The following GNAQ variants were observed in gnomAD, a reference collection of about 807,000 sequenced individuals.
GNAQ encodes the protein guanine nucleotide-binding protein G(q) subunit alpha.
GNAQ carries 8 observed loss-of-function variants against 43.9 expected under a neutral mutation model. That is an observed-to-expected ratio of 0.18 (90% confidence interval 0.11 to 0.33). The LOEUF (loss-of-function observed/expected upper bound fraction) is 0.33. Ranked by LOEUF, GNAQ falls within the 10% of genes least tolerant of loss-of-function variation. The probability of loss-of-function intolerance (pLI) is 1.00; values close to 1 mark genes in which losing one functional copy is unlikely to be tolerated. For missense variants in GNAQ, 158 were observed against 450.8 expected (o/e 0.35, Z 5.88); for synonymous variants, 155 against 170.7 (o/e 0.91, Z 0.71).
At chr9:77,966,330 C>T (rs949972373) in intron 1 of GNAQ, among the ~76,000 whole-genome samples, 1 of 151,994 alleles carries the variant, frequency 6.6e-6, no homozygotes. Flanking sequence ...TCAATTACAT[C>T]GCAAAAAAAC....
chr9:77,899,842 G>A (rs980520723), intron 2 of GNAQ, among the ~76,000 whole-genome samples: 3 of 152,154 alleles, frequency 2.0e-5, no homozygotes, highest in East Asian at 1.9e-4. Flanking sequence ...TCAAATGCAC[G>A]GAACTGTGCT....
chr9:77,855,874 A>G (rs921317258), intron 2 of GNAQ, among the ~76,000 whole-genome samples: 1 of 152,174 alleles, frequency 6.6e-6, no homozygotes, highest in African/African-American at 2.4e-5. Flanking sequence ...TTCATTGAAA[A>G]TATTTTAATT....
At chr9:78,002,433 T>A (rs553396256) in intron 1 of GNAQ, among the ~76,000 whole-genome samples, 262 of 152,310 alleles carry the variant, frequency 1.7e-3, no homozygotes, top group African/African-American at 6.1e-3. Context: ...TCTCATCTGG[T>A]TGCTAGTTTT....
Position 77,725,664 on chromosome 9 carries a change from G to C in GNAQ, c.889+2850C>G, listed in dbSNP as rs181096338. Among the ~76,000 whole-genome samples, 189 of 151,914 alleles carry C rather than the reference G, an allele frequency of 1.2e-3. 2 individuals are homozygous for C. The highest frequency in any genetic ancestry group is 2.0e-3 in the Non-Finnish European group (135 of 67,984). On this transcript the variant is annotated intron_variant, in intron 6 of 6. Coordinates refer to ENST00000286548, the MANE Select transcript of GNAQ (RefSeq NM_002072.5). ...ATGCTGGAAGGAAAATGCTTGTAGTGGTGGGGAATCTGGGGAAATTATTGG... is the reference window on the plus strand; with the variant it reads ...ATGCTGGAAGGAAAATGCTTGTAGTCGTGGGGAATCTGGGGAAATTATTGG...
chr9:77,747,828 T>G (rs1433181558), intron 5 of GNAQ, among the ~76,000 whole-genome samples: 1 of 152,244 alleles, frequency 6.6e-6, no homozygotes, highest in Non-Finnish European at 1.5e-5. Context: ...CTTGAACATC[T>G]GCTCTGCGCT....
At chr9:78,011,667 G>T (rs1357027052) in intron 1 of GNAQ, among the ~76,000 whole-genome samples, 1 of 152,142 alleles carries the variant, frequency 6.6e-6, no homozygotes, top group Admixed American at 6.5e-5. Flanking sequence ...GAGATAGCAG[G>T]TACTTCATTC....
In GNAQ at chr9:77,821,729, G is replaced by A. The variant is rs530174734; in HGVS notation, c.322-5959C>T. Among the ~76,000 whole-genome samples, 1,430 of 146,018 alleles carry A rather than the reference G, an allele frequency of 9.8e-3. 22 individuals are homozygous for A. Among genetic ancestry groups the A allele is most frequent in the African/African-American group, 0.036 (1,314 of 36,902 alleles). On this transcript the variant is annotated intron_variant, in intron 2 of 6. Coordinates refer to ENST00000286548, the MANE Select transcript of GNAQ (RefSeq NM_002072.5). ...TGTTGTACTATCCTAGTATGGGTGT[G>A]TGTGTGTGTGTGTGTGTGTGTGTGT... is the stretch of plus-strand genomic sequence containing the variant.
At chr9:77,887,553 G>C (rs1828329802) in intron 2 of GNAQ, among the ~76,000 whole-genome samples, 1 of 152,172 alleles carries the variant, frequency 6.6e-6, no homozygotes, top group African/African-American at 2.4e-5. Context: ...TGTGTCCATG[G>C]ACATAGGTAA....
intron 5 of GNAQ, among the ~76,000 whole-genome samples, chr9:77,787,475 A>C (rs951011143): frequency 6.6e-6 from 1 of 152,212 alleles, no homozygotes; most frequent in African/African-American, 2.4e-5. Context: ...AGTGGAGAAA[A>C]GATGGATGAA....
At chr9:77,771,568 GA>G (rs1033236542) in intron 5 of GNAQ, among the ~76,000 whole-genome samples, 2 of 152,136 alleles carry the variant, frequency 1.3e-5, no homozygotes, top group South Asian at 2.1e-4. Flanking sequence ...CTGGGTATGG[GA>G]AAAAAATGAT....
chr9:77,958,574 T>G (rs1823070721), intron 1 of GNAQ, among the ~76,000 whole-genome samples: 1 of 152,236 alleles, frequency 6.6e-6, no homozygotes, highest in Non-Finnish European at 1.5e-5. Context: ...CAAATATTTT[T>G]CAAGAAACCA....
At chr9:77,838,137 AT>A (rs574992587) in intron 2 of GNAQ, among the ~76,000 whole-genome samples, 6,361 of 87,174 alleles carry the variant, frequency 0.073, 242 homozygotes, top group East Asian at 0.2. Flanking sequence ...GGCATTAATG[AT>A]TTTTTTTTTT....
At chr9:77,865,908 G>C (rs1827940315) in intron 2 of GNAQ, among the ~76,000 whole-genome samples, 1 of 152,182 alleles carries the variant, frequency 6.6e-6, no homozygotes, top group African/African-American at 2.4e-5. Flanking sequence ...GGTTACTAAA[G>C]ATTTACTCTG....
intron 2 of GNAQ, among the ~76,000 whole-genome samples, chr9:77,817,762 G>C (rs1215964681): frequency 6.6e-6 from 1 of 152,154 alleles, no homozygotes; most frequent in Non-Finnish European, 1.5e-5. Context: ...ATATAGAACA[G>C]AATGCAGTTA....
At chr9:77,880,370 C>T (rs557433858) in intron 2 of GNAQ, among the ~76,000 whole-genome samples, 70 of 151,786 alleles carry the variant, frequency 4.6e-4, no homozygotes, top group Non-Finnish European at 6.8e-4. Flanking sequence ...CTTGGTGGAC[C>T]GTATTTTCTT....
At chr9:77,916,999 T>TA (rs1411642986) in intron 2 of GNAQ, among the ~76,000 whole-genome samples, 1 of 152,194 alleles carries the variant, frequency 6.6e-6, no homozygotes, top group African/African-American at 2.4e-5. Context: ...TATGATCCGC[T>TA]ATCTGGAGTA....
intron 1 of GNAQ, among the ~76,000 whole-genome samples, chr9:77,976,955 T>C (rs933137491): frequency 6.6e-6 from 1 of 152,170 alleles, no homozygotes; most frequent in Non-Finnish European, 1.5e-5. Context: ...CAAAGGCATA[T>C]GACTTTGCAA....
chr9:77,952,210 C>T (rs757019061), intron 1 of GNAQ, among the ~76,000 whole-genome samples: 1 of 152,196 alleles, frequency 6.6e-6, no homozygotes, highest in African/African-American at 2.4e-5. Flanking sequence ...AGGAAATATA[C>T]TCAGTTTTTA....
intron 2 of GNAQ, among the ~76,000 whole-genome samples, chr9:77,888,134 G>C (rs1010647461): frequency 2.6e-5 from 4 of 151,904 alleles, no homozygotes; most frequent in African/African-American, 7.3e-5. Flanking sequence ...TAATGGAATG[G>C]GTGTTTGCAC....
Sources: gnomAD v4.1 joint callset for allele counts (sites outside exome capture counted in the v4.1 genomes callset) on GRCh38, gnomAD v4.1.1 for gene constraint, MANE v1.5 for transcripts, NCBI Gene and HGNC (gene_info 2026-07-23, HGNC 2026-07-21) for gene names.